The following ADSS2 variants were observed in gnomAD, a reference collection of about 807,000 sequenced individuals.
ADSS2 encodes adenylosuccinate synthase 2, also known as adenylosuccinate synthetase isozyme 2.
A neutral mutation model predicts 60.0 loss-of-function variants in ADSS2; 30 were observed. That is an observed-to-expected ratio of 0.50 (90% CI 0.37 to 0.68). The LOEUF (loss-of-function observed/expected upper bound fraction) is 0.68. Ranked by LOEUF, ADSS2 falls within the 30% of genes least tolerant of loss-of-function variation. The pLI, the probability that ADSS2 is intolerant of heterozygous loss-of-function variation, is 0.00. For missense variants in ADSS2, 373 were observed against 554.8 expected, an observed-to-expected ratio of 0.67 and a Z score of 3.29; for synonymous variants, 187 against 193.1, an observed-to-expected ratio of 0.97 and a Z score of 0.26.
chr1:244,422,540 T>C (rs889843249), intron 7 of ADSS2, among the ~76,000 whole-genome samples: 1 of 152,240 alleles, frequency 6.6e-6, no homozygotes, highest in African/African-American at 2.4e-5. Context: ...GTCTCCTTTC[T>C]GTTCAAAATT....
chr1:244,442,453 A>ATACTGGTTATGTATTG (rs1665271582), intron 1 of ADSS2, among the ~76,000 whole-genome samples: 1 of 152,246 alleles, frequency 6.6e-6, no homozygotes, highest in African/African-American at 2.4e-5. Context: ...ACATTTTTCA[A>ATACTGGTTATGTATTG]TAACCAGTAT....
chr1:244,444,514 C>CAAAAAAAAAAAAAAAAAAAAAAAAA (rs56001597), intron 1 of ADSS2, among the ~76,000 whole-genome samples: 9 of 42,552 alleles, frequency 2.1e-4, no homozygotes, highest in East Asian at 4.1e-4. Context: ...GACTCCATCT[C>CAAAAAAAAAAAAAAAAAAAAAAAAA]AAAAAAAAAA....
intron 3 of ADSS2, among the ~76,000 whole-genome samples, chr1:244,435,372 T>C (rs1665070478): frequency 6.6e-6 from 1 of 152,170 alleles, no homozygotes; most frequent in East Asian, 1.9e-4. Context: ...AATATCTGCA[T>C]ATAAATAATG....
At chr1:244,438,148 TAAGA>T (rs1350570959) in intron 1 of ADSS2, among the ~76,000 whole-genome samples, 6 of 152,182 alleles carry the variant, frequency 3.9e-5, no homozygotes, top group African/African-American at 9.7e-5. Flanking sequence ...AAAAATCTCT[TAAGA>T]TAGAGTAATC....
At chr1:244,441,517 G>A (rs530019950) in intron 1 of ADSS2, among the ~76,000 whole-genome samples, 21 of 151,092 alleles carry the variant, frequency 1.4e-4, no homozygotes, top group Non-Finnish European at 2.8e-4. Context: ...GTCAAACCAG[G>A]TTTTTTTTTA....
rs567526488 is a variant in ADSS2, at chr1:244,417,546, A to G, written c.1070+82T>C. The G allele has an allele frequency of 9.9e-6, 15 of 1,514,150 alleles. No individual in the cohort carries two copies. The African/African-American group carries it at 1.4e-4, about 14-fold the overall frequency. 93.8% of individuals were successfully genotyped at this position (1,514,150 alleles called of 1,614,324 possible). A position where few individuals can be genotyped will look rare whatever the true frequency, so the allele number is the denominator to read the frequency against. Reference sequence around the variant, plus strand: ...GGAGTCTAAAGAGTGAAATTTTCCTATTAAGGTACTCCACAAAATTAAACC... The same window carrying G: ...GGAGTCTAAAGAGTGAAATTTTCCTGTTAAGGTACTCCACAAAATTAAACC... On this transcript the variant is annotated intron_variant, in intron 10 of 12. Transcript: ENST00000366535.
chr1:244,422,775 T>A, intron 7 of ADSS2, 60 bp downstream of exon 7: 1 of 1,301,236 alleles, frequency 7.7e-7, no homozygotes, highest in Non-Finnish European at 1.1e-6. Context: ...TGAAAAGATC[T>A]AGATGCCAAT....
intron 4 of ADSS2, among the ~76,000 whole-genome samples, chr1:244,426,292 T>G (rs1384646698): frequency 6.6e-6 from 1 of 152,176 alleles, no homozygotes; most frequent in South Asian, 2.1e-4. Flanking sequence ...AAAAAGCAAC[T>G]GACAACACAC....
intron 11 of ADSS2, among the ~76,000 whole-genome samples, chr1:244,415,576 G>A (rs1251998944): frequency 6.6e-6 from 1 of 152,200 alleles, no homozygotes; most frequent in Non-Finnish European, 1.5e-5. Flanking sequence ...CATGGGGCCT[G>A]AAGGATAGGG....
chr1:244,416,067 G>A lies in ADSS2; in HGVS notation c.1082C>T (p.Thr361Ile). 8 of 1,613,092 alleles carry A rather than the reference G, an allele frequency of 5.0e-6. No homozygotes were observed. Among genetic ancestry groups the A allele is most frequent in the Non-Finnish European group, 6.8e-6 (8 of 1,179,470 alleles). ...MINGFTALALTKLDILDMFTE... is the reference protein window; with the variant it reads ...MINGFTALALIKLDILDMFTE... ...AAACATGTCCAAAATATCCAACTTG[G>A]TAAGTGCCAACCTAATTTTGGAAGA... The change falls in exon 11 of 13, where the codon ACC (threonine) becomes ATC (isoleucine). Residue 361 changes from threonine to isoleucine, a missense_variant. This residue lies in a region of ADSS2 where 130 missense variants were observed against 169.4 expected (regional missense o/e 0.77). Transcript: ENST00000366535.
chr1:244,431,134 T>C (rs1341766215), intron 4 of ADSS2, among the ~76,000 whole-genome samples: 4 of 152,080 alleles, frequency 2.6e-5, no homozygotes, highest in Non-Finnish European at 5.9e-5. Context: ...AAAAGAATAT[T>C]AGTAATACTC....
chr1:244,431,469 G>T (rs1664942927), intron 4 of ADSS2, among the ~76,000 whole-genome samples: 1 of 151,978 alleles, frequency 6.6e-6, no homozygotes, highest in Non-Finnish European at 1.5e-5. Flanking sequence ...AGTATAATCA[G>T]GTGAAATATA....
intron 2 of ADSS2, 104 bp from the exon 3 acceptor site, chr1:244,436,997 C>T: frequency 1.1e-6 from 1 of 887,050 alleles, no homozygotes; most frequent in South Asian, 1.8e-5. Flanking sequence ...GAAATGATTC[C>T]AAGTTTTACA....
chr1:244,426,922 T>C (rs1572136439), intron 4 of ADSS2, among the ~76,000 whole-genome samples: 1 of 152,348 alleles, frequency 6.6e-6, no homozygotes, highest in South Asian at 2.1e-4. Flanking sequence ...ATACATGATA[T>C]GCTCCATTAA....
rs2147982564 is a variant in ADSS2 at position 244,409,575 on chromosome 1, A to T, written c.*11T>A. On this transcript the variant is annotated 3_prime_UTR_variant, in exon 13 of 13. Transcript: ENST00000366535. ...CCTCTCAAGGAGTGTTTCTTGCATTACTGGCAATCATTAAAAGAGTTGAAT... is the reference window on the plus strand; with the variant it reads ...CCTCTCAAGGAGTGTTTCTTGCATTTCTGGCAATCATTAAAAGAGTTGAAT... 1 of 1,599,708 alleles carries T rather than the reference A, an allele frequency of 6.3e-7. No homozygotes were observed. Among genetic ancestry groups the T allele is most frequent in the South Asian group, 1.1e-5 (1 of 90,444 alleles).
chr1:244,423,888 C>A, intron 6 of ADSS2, 65 bp downstream of exon 6: 1 of 1,324,048 alleles, frequency 7.6e-7, no homozygotes, highest in Admixed American at 2.1e-5. Context: ...CATTTTGCAC[C>A]CTAGATTTTA....
intron 4 of ADSS2, among the ~76,000 whole-genome samples, chr1:244,431,862 G>C (rs536039637): frequency 1.2e-4 from 18 of 152,318 alleles, no homozygotes; most frequent in African/African-American, 4.1e-4. Context: ...GAGAAATACT[G>C]TAAGTATCTT....
At position 244,430,482 on chromosome 1, in the gene ADSS2, C is replaced by T. The variant is rs909908055; in HGVS notation, c.406+2063G>A. 4.6e-5 allele frequency among the ~76,000 whole-genome samples: 7 copies of T among 152,160 alleles called. No homozygotes were observed. In the East Asian group the frequency reaches 9.6e-4, roughly 21 times the overall value. On this transcript the variant is annotated intron_variant, in intron 4 of 12. Transcript: ENST00000366535. Reference sequence around the variant, plus strand: ...ACACTGATGCTATACGTTATTCAAACGGCAGGTGTTAGGGATTATTCTGTT... The same window carrying T: ...ACACTGATGCTATACGTTATTCAAATGGCAGGTGTTAGGGATTATTCTGTT...
At chr1:244,447,235 T>G (rs1398673011) in intron 1 of ADSS2, among the ~76,000 whole-genome samples, 3 of 152,176 alleles carry the variant, frequency 2.0e-5, no homozygotes, top group African/African-American at 7.2e-5. Flanking sequence ...CCCTGAGAGA[T>G]AAGATAGCTG....
Sources: allele counts gnomAD v4.1 joint callset (sites outside exome capture counted in the v4.1 genomes callset), GRCh38; gene constraint gnomAD v4.1.1; regional missense constraint gnomAD v4.1.1; transcripts MANE v1.5; gene names NCBI Gene and HGNC (gene_info 2026-07-23, HGNC 2026-07-21).